The following WDR59 variants were observed in gnomAD, a reference collection of about 807,000 sequenced individuals.
The protein encoded by WDR59 is WD repeat domain 59.
In WDR59, 100 loss-of-function variants were observed where a neutral mutation model predicts 131.2. That is an observed-to-expected ratio of 0.76 (90% CI 0.65 to 0.90). WDR59 has a LOEUF of 0.90. Ranked by LOEUF, WDR59 falls within the 40% of genes least tolerant of loss-of-function variation. WDR59 has a pLI of 0.00. For synonymous variants in WDR59, 601 were observed against 466.2 expected, an observed-to-expected ratio of 1.29 and a Z score of -3.72; for missense variants, 1,203 against 1,262.2, an observed-to-expected ratio of 0.95 and a Z score of 0.71.
chr16:74,913,245 C>G (rs994247368), intron 13 of WDR59, among the ~76,000 whole-genome samples: 2 of 151,932 alleles, frequency 1.3e-5, no homozygotes, highest in South Asian at 4.2e-4. Context: ...TTTCAGGGGG[C>G]CTGTTCCCAA....
intron 6 of WDR59, among the ~76,000 whole-genome samples, chr16:74,945,338 A>G (rs148934879): frequency 0.024 from 3,195 of 135,436 alleles, 81 homozygotes; most frequent in African/African-American, 0.07. Flanking sequence ...TTAGCCGGGC[A>G]TGGTGGCGGG....
chr16:74,890,351 A>T (rs1317388656), intron 20 of WDR59, among the ~76,000 whole-genome samples: 2 of 152,052 alleles, frequency 1.3e-5, no homozygotes, highest in Non-Finnish European at 2.9e-5. Flanking sequence ...GGGTTTTGCC[A>T]TGTTGGCCAG....
intron 25 of WDR59, among the ~76,000 whole-genome samples, chr16:74,876,725 C>A (rs934137825): frequency 6.6e-6 from 1 of 152,158 alleles, no homozygotes; most frequent in African/African-American, 2.4e-5. Flanking sequence ...CCCCAGGACG[C>A]TCTCCCTTGC....
chr16:74,978,529 A>G (rs2034277008), intron 1 of WDR59, among the ~76,000 whole-genome samples: 1 of 152,178 alleles, frequency 6.6e-6, no homozygotes, highest in Admixed American at 6.6e-5. Context: ...AATGAAAGCC[A>G]GACTCAAAAG....
At position 74,957,643 on chromosome 16, in the gene WDR59, C is replaced by G. The variant is rs139523005; in HGVS notation, c.105-1033G>C. Among the ~76,000 whole-genome samples the G allele has an allele frequency of 2.1e-3, 326 of 152,228 alleles. 1 individual carries two copies. Among genetic ancestry groups the G allele is most frequent in the African/African-American group, 7.5e-3 (311 of 41,526 alleles). On this transcript the variant is annotated intron_variant, in intron 2 of 25. Transcript: ENST00000262144. ...TAAGGTTCCAATCAACATGAAGGATCTGAAAACAGGGAGGTTCTGCATTCA... is the reference window on the plus strand; with the variant it reads ...TAAGGTTCCAATCAACATGAAGGATGTGAAAACAGGGAGGTTCTGCATTCA...
At chr16:74,899,063 T>C (rs1158609384) in intron 18 of WDR59, among the ~76,000 whole-genome samples, 3 of 152,066 alleles carry the variant, frequency 2.0e-5, no homozygotes, top group Admixed American at 6.5e-5. Context: ...TACTGAAACA[T>C]GAAGGGATGG....
chr16:74,968,723 TCAAAACAAAA>T (rs746599660), intron 1 of WDR59, among the ~76,000 whole-genome samples: 6 of 151,860 alleles, frequency 4.0e-5, no homozygotes, highest in African/African-American at 1.2e-4. Flanking sequence ...AGACTCTGTC[TCAAAACAAAA>T]CAAAACAAAA....
intron 3 of WDR59, among the ~76,000 whole-genome samples, chr16:74,954,429 C>T (rs1323437645): frequency 6.6e-6 from 1 of 152,086 alleles, no homozygotes; most frequent in Non-Finnish European, 1.5e-5. Context: ...AACAAAAAGA[C>T]ATAACAAAGT....
intron 3 of WDR59, among the ~76,000 whole-genome samples, chr16:74,954,945 G>T (rs1203825899): frequency 1.3e-5 from 2 of 152,186 alleles, no homozygotes; most frequent in Non-Finnish European, 2.9e-5. Flanking sequence ...ACTGGTGGTT[G>T]CCAGGGGTTG....
intron 8 of WDR59, among the ~76,000 whole-genome samples, chr16:74,927,908 CTTTTTT>C (rs539167503): frequency 4.0e-5 from 5 of 124,488 alleles, no homozygotes; most frequent in African/African-American, 1.5e-4. Context: ...TTCTTTCTTT[CTTTTTT>C]TTTTTTTTTT....
Position 74,886,354 on chromosome 16 carries a change from G to T in WDR59, c.2462C>A (p.Ser821Tyr). 1 of 1,613,904 alleles carries T rather than the reference G, an allele frequency of 6.2e-7. No homozygotes were observed. Among genetic ancestry groups the T allele is most frequent in the South Asian group, 1.1e-5 (1 of 91,072 alleles). Residue 821 changes from serine to tyrosine, a missense_variant, in exon 24 of 26, where the codon TCC becomes TAC. Physicochemically the swap from Ser to Tyr is moderately radical, Grantham distance 144. Transcript: ENST00000262144. The part of the protein sequence containing the change: ...AEHLSSPWGE[S>Y]SPEELRFGSL... ...CCCAAAGCGGAGCTCTTCTGGTGAGGATTCTCCCCAAGGGGAGGACAAGTG... is the reference window on the plus strand; with the variant it reads ...CCCAAAGCGGAGCTCTTCTGGTGAGTATTCTCCCCAAGGGGAGGACAAGTG...
intron 13 of WDR59, 21 bp from the exon 14 acceptor site, chr16:74,912,383 A>G (rs1181350773): frequency 1.2e-6 from 2 of 1,603,012 alleles, no homozygotes; most frequent in South Asian, 1.1e-5. Context: ...CAAATCCACA[A>G]TTGCTGTAGA....
At chr16:74,958,390 G>C (rs2033395321) in intron 2 of WDR59, among the ~76,000 whole-genome samples, 1 of 151,536 alleles carries the variant, frequency 6.6e-6, no homozygotes, top group Non-Finnish European at 1.5e-5. Flanking sequence ...AGAAGTGGGA[G>C]ACCAGCCTGG....
intron 25 of WDR59, among the ~76,000 whole-genome samples, chr16:74,884,065 C>T (rs1964642800): frequency 6.6e-6 from 1 of 152,210 alleles, no homozygotes; most frequent in South Asian, 2.1e-4. Flanking sequence ...CATCTTTCTT[C>T]CTGATCCCAC....
intron 6 of WDR59, among the ~76,000 whole-genome samples, chr16:74,944,655 C>T (rs917914982): frequency 1.3e-5 from 2 of 151,952 alleles, no homozygotes; most frequent in African/African-American, 2.4e-5. Context: ...CTGTACCACT[C>T]GGGGTATGCT....
At chr16:74,970,830 T>A (rs896603213) in intron 1 of WDR59, among the ~76,000 whole-genome samples, 2 of 151,748 alleles carry the variant, frequency 1.3e-5, no homozygotes, top group African/African-American at 4.8e-5. Context: ...CGCAGGAGGA[T>A]TGCTTGGAGC....
In WDR59 at chr16:74,916,162, T is replaced by C. The variant is rs1453697935; in HGVS notation, c.1064A>G (p.Asp355Gly). 4.3e-6 allele frequency: 7 copies of C among 1,614,184 alleles called. No individual in the cohort carries two copies. The highest frequency in any genetic ancestry group is 5.9e-6 in the Non-Finnish European group (7 of 1,180,020). The stretch of plus-strand genomic sequence containing the variant: ...CCCATGGCTTGCAGTGTGCTGGTGA[T>C]CTGTATCTTCAGTGTGCAGGGTCTT... Reference protein sequence around the residue: ...PEKTLHTEDTDHQHTASHGEE... With the variant: ...PEKTLHTEDTGHQHTASHGEE... The change falls in exon 12 of 26, where the codon GAT becomes GGT. Residue 355 changes from aspartate (D) to glycine (G), a missense_variant. Transcript: ENST00000262144.
chr16:74,946,787 T>A (rs1168925384), intron 6 of WDR59, among the ~76,000 whole-genome samples: 1 of 152,006 alleles, frequency 6.6e-6, no homozygotes, highest in Non-Finnish European at 1.5e-5. Context: ...ATCCAGCTGC[T>A]AATACAGTCA....
intron 25 of WDR59, among the ~76,000 whole-genome samples, chr16:74,877,018 C>T (rs1244525539): frequency 4.0e-5 from 6 of 151,854 alleles, no homozygotes; most frequent in African/African-American, 7.3e-5. Context: ...TGGGGCTACA[C>T]TAGATACAAA....
Sources: allele counts gnomAD v4.1 joint callset (sites outside exome capture counted in the v4.1 genomes callset), GRCh38; gene constraint gnomAD v4.1.1; transcripts MANE v1.5; gene names NCBI Gene and HGNC (gene_info 2026-07-23, HGNC 2026-07-21).